The following STRN4 variants were observed in gnomAD, a reference collection of about 807,000 sequenced individuals.
The protein encoded by STRN4 is striatin 4.
Under a neutral mutation model 77.9 loss-of-function variants are expected in STRN4, and 27 were observed. That is an observed-to-expected ratio of 0.35 (90% confidence interval 0.26 to 0.48). The LOEUF (loss-of-function observed/expected upper bound fraction) is 0.48. STRN4 is among the 20% of genes least tolerant of loss of function. STRN4 has a pLI of 0.99. For synonymous variants in STRN4, 466 were observed against 443.1 expected (o/e 1.05, Z -0.65); for missense variants, 798 against 1,049.7 (o/e 0.76, Z 3.31).
chr19:46,739,517 T>C (rs541806005), intron 1 of STRN4: 3 of 156,330 alleles, frequency 1.9e-5, no homozygotes, highest in Admixed American at 1.2e-4. Flanking sequence ...CTTCACACCG[T>C]CTGCTGGCTT....
chr19:46,725,841 C>T, intron 9 of STRN4, 193 bp from the exon 10 acceptor site: 1 of 691,404 alleles, frequency 1.4e-6, no homozygotes, highest in South Asian at 1.9e-5. Context: ...CCCAACAAGT[C>T]CCCACACTGC....
Position 46,738,262 on chromosome 19 carries a change from TAA to T in STRN4, c.387-27_387-26del. 6.2e-7 allele frequency: 1 copy of T among 1,606,168 alleles called. No homozygotes were observed. Among genetic ancestry groups the T allele is most frequent in the South Asian group, 1.1e-5 (1 of 90,964 alleles). ...CCTAAAAGAGCAAATGATTAATGAATAAGAGATGCGGGAGAGTAGACAGGGTC... is the reference window on the plus strand; with the variant it reads ...CCTAAAAGAGCAAATGATTAATGAATGAGATGCGGGAGAGTAGACAGGGTC... On this transcript the variant is annotated intron_variant, in intron 2 of 17. Transcript: ENST00000263280. The surrounding 1 kb of genome is among the most constrained non-coding windows in gnomAD (Gnocchi z 4.5).
chr19:46,744,742 C>A (rs2054543635), intron 1 of STRN4, among the ~76,000 whole-genome samples: 1 of 151,874 alleles, frequency 6.6e-6, no homozygotes, highest in Non-Finnish European at 1.5e-5. Context: ...TACTAGATAG[C>A]AAACGGCAAA....
intron 1 of STRN4, 127 bp from the exon 2 acceptor site, chr19:46,739,015 T>C: frequency 1.3e-6 from 1 of 753,920 alleles, no homozygotes; most frequent in Non-Finnish European, 2.3e-6. Context: ...AGCCACTTCC[T>C]CAGGCACAAA....
chr19:46,742,225 T>C (rs954897343), intron 1 of STRN4, among the ~76,000 whole-genome samples: 6 of 152,156 alleles, frequency 3.9e-5, no homozygotes, highest in Non-Finnish European at 8.8e-5. Flanking sequence ...GCCTGCTCAT[T>C]ATCAGACTGC....
At chr19:46,731,018 C>A in intron 5 of STRN4, 145 bp from the exon 6 acceptor site, 1 of 1,144,094 alleles carries the variant, frequency 8.7e-7, no homozygotes, top group Non-Finnish European at 1.2e-6. Context: ...TGGTCACACA[C>A]AGAGCCCCAA....
intron 1 of STRN4, among the ~76,000 whole-genome samples, chr19:46,742,326 C>G (rs2054489395): frequency 6.6e-6 from 1 of 152,060 alleles, no homozygotes; most frequent in Admixed American, 6.6e-5. Context: ...ACACAGGTAC[C>G]AAGCAGGGTC....
chr19:46,724,736 C>A, intron 12 of STRN4, 71 bp downstream of exon 12: 1 of 1,604,984 alleles, frequency 6.2e-7, no homozygotes. Flanking sequence ...GTGGACGCGA[C>A]GTGTGTGTGC....
rs1427670725 is a variant in STRN4 at position 46,723,645 on chromosome 19, C to G, written c.1595-361G>C. Reference sequence around the variant, plus strand: ...CCCCAGGAGCGGCACGCAGCCTGTGCTGGACAAGGGTTGGTCCCAACCCTG... The same window carrying G: ...CCCCAGGAGCGGCACGCAGCCTGTGGTGGACAAGGGTTGGTCCCAACCCTG... On this transcript the variant is annotated intron_variant, in intron 12 of 17. Transcript: ENST00000263280. This position sits in a 1 kb window ranked among gnomAD's most constrained non-coding sequence, Gnocchi z 5.5. 6.6e-6 allele frequency among the ~76,000 whole-genome samples: 1 copy of G among 152,224 alleles called. No homozygotes were observed. The highest frequency in any genetic ancestry group is 1.5e-5 in the Non-Finnish European group (1 of 68,050).
chr19:46,721,031 A>T (rs1290352210), intron 16 of STRN4: 5 of 376,888 alleles, frequency 1.3e-5, no homozygotes, highest in Non-Finnish European at 2.4e-5. Context: ...GCAGTGAACA[A>T]AACAGGCAAC....
chr19:46,738,177 A>T lies in STRN4; in HGVS notation c.447T>A (p.Asp149Glu). Reference sequence around the variant, plus strand: ...GAGGGTGGGTACCTTGTTCTGACACATCTGCTTTCTTCTCCCCCTGGTTCA... The same window carrying T: ...GAGGGTGGGTACCTTGTTCTGACACTTCTGCTTTCTTCTCCCCCTGGTTCA... ...TDLNQGEKKA[D>E]VSEQVSNGPV... The change falls in exon 3 of 18, where the codon GAT becomes GAA. Residue 149 changes from aspartate (D) to glutamate (E), a missense_variant. Asp to Glu is a conservative substitution (Grantham distance 45). Coordinates refer to ENST00000263280, the MANE Select transcript of STRN4 (RefSeq NM_013403.3). This position sits in a 1 kb window ranked among gnomAD's most constrained non-coding sequence, Gnocchi z 4.5. 6.2e-7 allele frequency: 1 copy of T among 1,614,190 alleles called. No individual in the cohort carries two copies. The highest frequency in any genetic ancestry group is 8.5e-7 in the Non-Finnish European group (1 of 1,180,020).
At position 46,741,463 on chromosome 19, in the gene STRN4, T is replaced by C. The variant is rs1406978043; in HGVS notation, c.283-2575A>G. 2.0e-5 allele frequency among the ~76,000 whole-genome samples: 3 copies of C among 152,120 alleles called. No homozygotes were observed. The highest frequency in any genetic ancestry group is 6.5e-5 in the Admixed American group (1 of 15,282). ...GAACCAGAAAGACATGGTTGGAGCA[T>C]CTCAGGGAGGTGGAAACCCACCAAA... On this transcript the variant is annotated intron_variant, in intron 1 of 17. Coordinates refer to ENST00000263280, the MANE Select transcript of STRN4 (RefSeq NM_013403.3). This position sits in a 1 kb window ranked among gnomAD's most constrained non-coding sequence, Gnocchi z 4.9.
Position 46,728,690 on chromosome 19 carries a change from C to A in STRN4, c.967G>T (p.Gly323Cys). 1 of 1,614,194 alleles carries A rather than the reference C, an allele frequency of 6.2e-7. No individual in the cohort carries two copies. ...EDAINEFDFL[G>C]SGEDGEGAPD... ...GCCCCTTCCCCATCCTCTCCTGAGC[C>A]CAGGAAATCAAACTCATTGATAGCA... is the stretch of plus-strand genomic sequence containing the variant. Residue 323 changes from glycine to cysteine, a missense_variant, in exon 7 of 18, where the codon GGC (glycine) becomes TGC (cysteine). This residue lies in a region of STRN4 where 511 missense variants were observed against 575.9 expected (regional missense o/e 0.89). Coordinates refer to ENST00000263280, the MANE Select transcript of STRN4 (RefSeq NM_013403.3).
Position 46,725,498 on chromosome 19 carries a change from G to A in STRN4, c.1399C>T (p.Leu467=), listed in dbSNP as rs1285214839. 7 of 1,614,022 alleles carry A rather than the reference G, an allele frequency of 4.3e-6. No individual in the cohort carries two copies. The highest frequency in any genetic ancestry group is 5.9e-6 in the Non-Finnish European group (7 of 1,180,024). The change falls in exon 10 of 18, where the codon CTG becomes TTG. Residue 467 remains leucine (L), a synonymous_variant. Coordinates refer to ENST00000263280, the MANE Select transcript of STRN4 (RefSeq NM_013403.3). ...TTCTTGGCCGTGACCGCCTTCTGCA[G>A]GTTCCAGAGCTTGAGCGTGCCGTCC... is the stretch of plus-strand genomic sequence containing the variant. ...SEDGTLKLWN[L]QKAVTAKKNA...
Position 46,738,792 on chromosome 19 carries a change from G to C in STRN4, c.379C>G (p.Gln127Glu), listed in dbSNP as rs1282220108. 6.2e-7 allele frequency: 1 copy of C among 1,614,104 alleles called. No individual in the cohort carries two copies. Among genetic ancestry groups the C allele is most frequent in the Admixed American group, 1.7e-5 (1 of 60,034 alleles). ...RIKMLEYALK[Q>E]ERAKYHKLKF... ...GGCAGGATGAAGGCTCACCTTTCCT[G>C]CTTCAGCGCATACTCTAGCATCTTG... Residue 127 changes from glutamine to glutamate, a missense_variant, in exon 2 of 18, where the codon CAG becomes GAG. Physicochemically the swap from Gln to Glu is conservative, Grantham distance 29 (BLOSUM62 2). Around this residue, in one of 2 missense-constraint regions of STRN4, gnomAD observed 511 missense variants for 575.9 expected, o/e 0.89. Transcript: ENST00000263280. This position sits in a 1 kb window ranked among gnomAD's most constrained non-coding sequence, Gnocchi z 4.5.
At chr19:46,727,280 T>C (rs1256330728) in intron 9 of STRN4, among the ~76,000 whole-genome samples, 172 bp downstream of exon 9, 2 of 151,968 alleles carry the variant, frequency 1.3e-5, no homozygotes, top group African/African-American at 4.8e-5. Context: ...CTCCAGAGTC[T>C]TCCAGGCCCT....
chr19:46,745,990 G>T, intron 1 of STRN4, 159 bp downstream of exon 1: 1 of 894,158 alleles, frequency 1.1e-6, no homozygotes, highest in Non-Finnish European at 1.5e-6. Context: ...CCCCTCGGAC[G>T]GCCCCTCACT....
In STRN4 at chr19:46,725,541, A is replaced by T. The variant is rs538402190; in HGVS notation, c.1356T>A (p.Ala452=). 6.2e-7 allele frequency: 1 copy of T among 1,614,172 alleles called. No individual in the cohort carries two copies. The highest frequency in any genetic ancestry group is 1.3e-5 in the African/African-American group (1 of 75,032). The change falls in exon 10 of 18, where the codon GCT becomes GCA. Residue 452 remains alanine (A), a synonymous_variant. Transcript: ENST00000263280. Reference sequence around the variant, plus strand: ...TGCCGTCCTCGGAGGCGGTGAGCAGAGCCGACTGGCTGTGGTGGAAGGCCA... The same window carrying T: ...TGCCGTCCTCGGAGGCGGTGAGCAGTGCCGACTGGCTGTGGTGGAAGGCCA... ...RSLAFHHSQS[A]LLTASEDGTL... is the part of the protein sequence containing the mutation.
In STRN4 at chr19:46,722,817, G is replaced by A; in HGVS notation, c.1899C>T (p.Gly633=). The A allele has an allele frequency of 6.2e-7, 1 of 1,613,788 alleles. No individual in the cohort carries two copies. Among genetic ancestry groups the A allele is most frequent in the Non-Finnish European group, 8.5e-7 (1 of 1,179,968 alleles). ...TGATGTCAGCCCCCTTACCGCTGCT[G>A]CCCCGGGACTCCAGCGTGAGGAGGG... is the stretch of plus-strand genomic sequence containing the variant. ...GSALLTLESR[G]SSGPTQINQV... Residue 633 remains glycine (G), a synonymous_variant, in exon 14 of 18, where the codon GGC becomes GGT. Coordinates refer to ENST00000263280, the MANE Select transcript of STRN4 (RefSeq NM_013403.3).
Sources: allele counts gnomAD v4.1 joint callset (sites outside exome capture counted in the v4.1 genomes callset), GRCh38; gene constraint gnomAD v4.1.1; regional missense constraint gnomAD v4.1.1; non-coding constraint Gnocchi (gnomAD v3.1); transcripts MANE v1.5; gene names NCBI Gene and HGNC (gene_info 2026-07-23, HGNC 2026-07-21).